The following ING3 variants were observed in gnomAD, a reference collection of about 807,000 sequenced individuals.
The protein encoded by ING3 is inhibitor of growth protein 3.
A neutral mutation model predicts 64.8 loss-of-function variants in ING3; 6 were observed. That is an observed-to-expected ratio of 0.09 (90% CI 0.05 to 0.18). The LOEUF is 0.18. Ranked by LOEUF, ING3 falls within the 10% of genes least tolerant of loss-of-function variation. ING3 has a pLI of 1.00. For missense variants in ING3, 310 were observed against 489.7 expected (o/e 0.63, Z 3.46); for synonymous variants, 170 against 173.7 (o/e 0.98, Z 0.17).
intron 5 of ING3, among the ~76,000 whole-genome samples, chr7:120,965,151 T>A (rs1032037330): frequency 6.6e-6 from 1 of 152,202 alleles, no homozygotes; most frequent in African/African-American, 2.4e-5. Context: ...CCATCTTGCA[T>A]TAAGTGTGTT....
intron 9 of ING3, among the ~76,000 whole-genome samples, chr7:120,970,323 G>T (rs1162643181): frequency 1.3e-5 from 2 of 152,044 alleles, no homozygotes; most frequent in Non-Finnish European, 2.9e-5. Context: ...AAATTAGCCA[G>T]GCATGGTGGC....
At chr7:120,960,600 A>G (rs1182002470) in intron 4 of ING3, among the ~76,000 whole-genome samples, 4 of 152,144 alleles carry the variant, frequency 2.6e-5, no homozygotes, top group Non-Finnish European at 5.9e-5. Flanking sequence ...CCAGTAGTAA[A>G]CATTTTTTTT....
chr7:120,964,527 T>C (rs1042697012), intron 4 of ING3, among the ~76,000 whole-genome samples: 2 of 152,200 alleles, frequency 1.3e-5, no homozygotes, highest in African/African-American at 4.8e-5. Context: ...GTCTGGGTCT[T>C]AGAACTTAAA....
chr7:120,972,897 A>G (rs1412456329), intron 10 of ING3, among the ~76,000 whole-genome samples: 1 of 152,204 alleles, frequency 6.6e-6, no homozygotes, highest in African/African-American at 2.4e-5. Flanking sequence ...TAAATAATCA[A>G]GAAAGGAACT....
At chr7:120,951,714 CT>C (rs1795768651) in intron 2 of ING3, among the ~76,000 whole-genome samples, 1 of 152,174 alleles carries the variant, frequency 6.6e-6, no homozygotes, top group Non-Finnish European at 1.5e-5. Context: ...ATTTTGAAAA[CT>C]TAGTTACACA....
rs769542101 is a variant in ING3, at chr7:120,955,566, A to G, written c.209A>G (p.Tyr70Cys). 75 of 1,607,432 alleles carry G rather than the reference A, an allele frequency of 4.7e-5. 1 individual carries two copies. The highest frequency in any genetic ancestry group is 5.4e-5 in the Non-Finnish European group (64 of 1,174,578). ...GAAAATGTTTTCATTCAGGACTACT[A>G]TAAAGCTTTGGAAGATGCAGATGAG... The part of the protein sequence containing the change: ...EQMASIKKDY[Y>C]KALEDADEKV... Residue 70 changes from tyrosine to cysteine, a missense_variant, in exon 4 of 12, where the codon TAT becomes TGT. Physicochemically the swap from Tyr to Cys is radical, Grantham distance 194. Around this residue, in one of 3 missense-constraint regions of ING3, gnomAD observed 53 missense variants for 116.2 expected, o/e 0.46. Transcript: ENST00000315870.
Position 120,969,069 on chromosome 7 carries a change from A to G in ING3, c.773A>G (p.Asn258Ser). 1 of 1,614,020 alleles carries G rather than the reference A, an allele frequency of 6.2e-7. No homozygotes were observed. Among genetic ancestry groups the G allele is most frequent in the Non-Finnish European group, 8.5e-7 (1 of 1,179,926 alleles). ...GCCAGTTATGAAGCATTTAAGAATA[A>G]TGACTTTCAGTTGGGAAAAGAATTT... ...LKASYEAFKN[N>S]DFQLGKEFSM... Residue 258 changes from asparagine (N) to serine (S), a missense_variant, in exon 9 of 12, where the codon AAT (asparagine) becomes AGT (serine). By Grantham distance (46) the Asn-to-Ser change is conservative. Around this residue, in one of 3 missense-constraint regions of ING3, gnomAD observed 233 missense variants for 289.4 expected, o/e 0.81. Transcript: ENST00000315870.
intron 9 of ING3, 70 bp downstream of exon 9, chr7:120,969,274 C>A (rs925352138): frequency 3.3e-6 from 4 of 1,223,302 alleles, no homozygotes; most frequent in Non-Finnish European, 4.6e-6. Context: ...TTCAGCCAGG[C>A]CTCTCTATGT....
chr7:120,956,504 C>G, intron 4 of ING3: 4 of 1,063,010 alleles, frequency 3.8e-6, no homozygotes, highest in Middle Eastern at 4.5e-4. Flanking sequence ...ATACCACAAA[C>G]TTGAAAATGT....
At chr7:120,957,365 C>G (rs1795865038) in intron 4 of ING3, among the ~76,000 whole-genome samples, 1 of 150,348 alleles carries the variant, frequency 6.7e-6, no homozygotes, top group Non-Finnish European at 1.5e-5. Flanking sequence ...GAGAGCGACT[C>G]TGTCTTAAAA....
At chr7:120,952,863 C>G (rs368676705) in intron 2 of ING3, among the ~76,000 whole-genome samples, 1 of 151,900 alleles carries the variant, frequency 6.6e-6, no homozygotes, top group Non-Finnish European at 1.5e-5. Flanking sequence ...CTACTACTTT[C>G]AGTTGGGATA....
chr7:120,951,101 CA>C, intron 1 of ING3, 62 bp from the exon 2 acceptor site: 1 of 1,573,478 alleles, frequency 6.4e-7, no homozygotes, highest in Non-Finnish European at 8.7e-7. Context: ...CGCACGCGCG[CA>C]GTGACGTAAG....
chr7:120,960,742 C>A (rs1445226569), intron 4 of ING3, among the ~76,000 whole-genome samples: 1 of 152,050 alleles, frequency 6.6e-6, no homozygotes, highest in East Asian at 1.9e-4. Flanking sequence ...ATTTTAGTAG[C>A]CGTTTTAGTG....
chr7:120,970,982 T>C, intron 10 of ING3, 102 bp downstream of exon 10: 3 of 1,195,184 alleles, frequency 2.5e-6, no homozygotes, highest in Non-Finnish European at 3.5e-6. Context: ...AAAATACCTT[T>C]GCTTTATTTG....
chr7:120,959,120 C>T (rs1487938506), intron 4 of ING3, among the ~76,000 whole-genome samples: 4 of 152,174 alleles, frequency 2.6e-5, no homozygotes, highest in African/African-American at 7.2e-5. Flanking sequence ...TTCTTAGTCT[C>T]CTTCTTGGGT....
chr7:120,972,025 A>G (rs1162059014), intron 10 of ING3, among the ~76,000 whole-genome samples: 1 of 152,086 alleles, frequency 6.6e-6, no homozygotes, highest in Non-Finnish European at 1.5e-5. Context: ...TGTTTTTTAC[A>G]TTATGAATCG....
At chr7:120,954,058 C>A (rs1282272129) in intron 3 of ING3, among the ~76,000 whole-genome samples, 2 of 152,154 alleles carry the variant, frequency 1.3e-5, no homozygotes, top group African/African-American at 4.8e-5. Flanking sequence ...TGCTATTTAG[C>A]TGTGTGACAT....
At position 120,956,704 on chromosome 7, in the gene ING3, CTTAA is replaced by C. The variant is rs1205447489; in HGVS notation, c.267+1083_267+1086del. 5 of 977,432 alleles carry C rather than the reference CTTAA, an allele frequency of 5.1e-6. No individual in the cohort carries two copies. In the African/African-American group the frequency reaches 7.0e-5, roughly 14 times the overall value. The allele number at this position is 977,432 out of a possible 1,614,324, so 60.5% of individuals were successfully genotyped here. A position where few individuals can be genotyped will look rare whatever the true frequency, so the allele number is the denominator to read the frequency against. ...GAATAAAAACCAAAAAAAAAAAGGT[CTTAA>C]TTGTTTCAGTCTTTAATTATGTCTA... On this transcript the variant is annotated intron_variant, in intron 4 of 11. Coordinates refer to ENST00000315870, the MANE Select transcript of ING3 (RefSeq NM_019071.3).
chr7:120,959,366 C>G (rs1795897959), intron 4 of ING3, among the ~76,000 whole-genome samples: 1 of 152,208 alleles, frequency 6.6e-6, no homozygotes. Flanking sequence ...CATGTGTTCT[C>G]TTAGTGTTAA....
Sources: allele counts gnomAD v4.1 joint callset (sites outside exome capture counted in the v4.1 genomes callset), GRCh38; gene constraint gnomAD v4.1.1; regional missense constraint gnomAD v4.1.1; transcripts MANE v1.5; gene names NCBI Gene and HGNC (gene_info 2026-07-23, HGNC 2026-07-21).